The following DCAF17 variants were observed in gnomAD, a reference collection of about 807,000 sequenced individuals.
DCAF17 encodes DDB1 and CUL4 associated factor 17, also known as DDB1- and CUL4-associated factor 17.
In DCAF17, 48 loss-of-function variants were observed where a neutral mutation model predicts 66.0. That is an observed-to-expected ratio of 0.73 (90% CI 0.58 to 0.92). The LOEUF is 0.92. Among genes scored for constraint, DCAF17 ranks in the 40% least tolerant of loss-of-function variants. DCAF17 has a pLI of 0.00. For missense variants in DCAF17, 562 were observed against 622.8 expected (o/e 0.90, Z 1.04); for synonymous variants, 206 against 214.6 (o/e 0.96, Z 0.35).
chr2:171,438,818 C>T (rs1245617889), intron 2 of DCAF17, among the ~76,000 whole-genome samples: 1 of 152,076 alleles, frequency 6.6e-6, no homozygotes, highest in Non-Finnish European at 1.5e-5. Context: ...CTCACTGTAA[C>T]ACCAAACTCC....
intron 2 of DCAF17, among the ~76,000 whole-genome samples, chr2:171,442,921 A>G (rs1694388243): frequency 6.6e-6 from 1 of 152,158 alleles, no homozygotes; most frequent in Admixed American, 6.5e-5. Flanking sequence ...TCACATCTCA[A>G]CTAATCAGAG....
chr2:171,463,233 A>AAC (rs1695696977), intron 8 of DCAF17, among the ~76,000 whole-genome samples: 1 of 151,930 alleles, frequency 6.6e-6, no homozygotes, highest in Non-Finnish European at 1.5e-5. Flanking sequence ...TTAAAAAAAA[A>AAC]AAAAAAACAG....
rs1397703432 is a variant in DCAF17 at position 171,447,310 on chromosome 2, A to C, written c.322-1371A>C. 3 of 246,246 alleles carry C rather than the reference A, an allele frequency of 1.2e-5. No homozygotes were observed. In the East Asian group the frequency reaches 4.8e-4, roughly 40 times the overall value. 15.3% of individuals were successfully genotyped at this position (246,246 alleles called of 1,614,324 possible). On this transcript the variant is annotated intron_variant, in intron 3 of 13. Coordinates refer to ENST00000375255, the MANE Select transcript of DCAF17 (RefSeq NM_025000.4). ...ACTATGTCTTCATTCTTTTCTATTC[A>C]CTTTTTGGCCTAAGCAGATACTAGA...
Position 171,481,647 on chromosome 2 carries a change from T to G in DCAF17, c.*533T>G. ...TCACAGTTTTTAAAAATCTTATATATGTATTTATATGTGTTTCGTATTTGT... is the reference window on the plus strand; with the variant it reads ...TCACAGTTTTTAAAAATCTTATATAGGTATTTATATGTGTTTCGTATTTGT... On this transcript the variant is annotated 3_prime_UTR_variant, in exon 14 of 14. Transcript: ENST00000375255. The G allele has an allele frequency of 2.2e-6, 1 of 453,162 alleles. No individual in the cohort carries two copies. The highest frequency in any genetic ancestry group is 4.4e-6 in the Non-Finnish European group (1 of 226,570). The allele number at this position is 453,162 out of a possible 1,614,324, so 28.1% of individuals were successfully genotyped here. A position where few individuals can be genotyped will look rare whatever the true frequency, so the allele number is the denominator to read the frequency against.
In DCAF17 at chr2:171,473,956, G is replaced by C; in HGVS notation, c.1072G>C (p.Val358Leu). The C allele has an allele frequency of 6.2e-7, 1 of 1,613,598 alleles. No individual in the cohort carries two copies. Among genetic ancestry groups the C allele is most frequent in the Non-Finnish European group, 8.5e-7 (1 of 1,179,678 alleles). ...TGATGCTTCTGGTAGAATAATACAT[G>C]TTGGTCCAAATCAAGTCAAGTGAGT... The part of the protein sequence containing the change: ...HPDASGRIIH[V>L]GPNQVKVLKL... The change falls in exon 10 of 14, where the codon GTT becomes CTT. Residue 358 changes from valine to leucine, a missense_variant. Transcript: ENST00000375255.
intron 8 of DCAF17, 76 bp downstream of exon 8, chr2:171,458,553 C>A: frequency 3.5e-6 from 4 of 1,133,662 alleles, no homozygotes; most frequent in Admixed American, 1.9e-5. Flanking sequence ...TTATAGTCAT[C>A]CAAATGTTTT....
At chr2:171,442,485 A>G (rs2105734454) in intron 2 of DCAF17, among the ~76,000 whole-genome samples, 1 of 149,520 alleles carries the variant, frequency 6.7e-6, no homozygotes, top group East Asian at 2.0e-4. Flanking sequence ...AATCGCTTGA[A>G]CCTGGGAAGC....
chr2:171,435,111 C>T lies in DCAF17; in HGVS notation c.155C>T (p.Thr52Ile), dbSNP rs1426147930. 3 of 1,612,088 alleles carry T rather than the reference C, an allele frequency of 1.9e-6. No homozygotes were observed. Among genetic ancestry groups the T allele is most frequent in the Non-Finnish European group, 2.5e-6 (3 of 1,178,324 alleles). Reference sequence around the variant, plus strand: ...AGTACTAAATTTAAGAATGTCTGGACAACTCATTCCAGGTCACCTATAGCC... The same window carrying T: ...AGTACTAAATTTAAGAATGTCTGGATAACTCATTCCAGGTCACCTATAGCC... ...QESTKFKNVW[T>I]THSRSPIAYE... is the part of the protein sequence containing the mutation. The change falls in exon 2 of 14, where the codon ACA becomes ATA. Residue 52 changes from threonine to isoleucine, a missense_variant. Thr to Ile is a moderately conservative substitution (Grantham distance 89). Coordinates refer to ENST00000375255, the MANE Select transcript of DCAF17 (RefSeq NM_025000.4).
At chr2:171,466,497 G>A (rs559254880) in intron 8 of DCAF17, among the ~76,000 whole-genome samples, 2 of 151,616 alleles carry the variant, frequency 1.3e-5, no homozygotes, top group East Asian at 1.9e-4. Flanking sequence ...TTGCTTTCTC[G>A]AAACAACAGA....
Position 171,484,058 on chromosome 2 carries a change from A to G in DCAF17, c.*2944A>G, listed in dbSNP as rs1261574297. 2.2e-6 allele frequency: 1 copy of G among 454,044 alleles called. No individual in the cohort carries two copies. The highest frequency in any genetic ancestry group is 4.4e-6 in the Non-Finnish European group (1 of 226,784). 28.1% of individuals were successfully genotyped at this position (454,044 alleles called of 1,614,324 possible). A position where few individuals can be genotyped will look rare whatever the true frequency, so the allele number is the denominator to read the frequency against. ...AATTTGGGTAAGATACAAGTCACAC[A>G]TAAATTGACAGAAAATGTAGTTCTT... is the stretch of plus-strand genomic sequence containing the variant. On this transcript the variant is annotated 3_prime_UTR_variant, in exon 14 of 14. Coordinates refer to ENST00000375255, the MANE Select transcript of DCAF17 (RefSeq NM_025000.4).
intron 10 of DCAF17, among the ~76,000 whole-genome samples, chr2:171,475,935 A>G (rs1309962650): frequency 6.6e-6 from 1 of 152,234 alleles, no homozygotes; most frequent in Non-Finnish European, 1.5e-5. Context: ...CCTTACTTTT[A>G]ATGTTTGTTA....
intron 10 of DCAF17, chr2:171,474,360 G>C: frequency 4.1e-6 from 1 of 242,042 alleles, no homozygotes; most frequent in Non-Finnish European, 8.2e-6. Context: ...TATTTTGATT[G>C]GTTTCAGGGC....
chr2:171,468,967 C>G lies in DCAF17; in HGVS notation c.918C>G (p.Val306=). 6.2e-7 allele frequency: 1 copy of G among 1,614,112 alleles called. No individual in the cohort carries two copies. The highest frequency in any genetic ancestry group is 2.2e-5 in the East Asian group (1 of 44,872). The change falls in exon 9 of 14, where the codon GTC becomes GTG. Residue 306 remains valine, a synonymous_variant. Coordinates refer to ENST00000375255, the MANE Select transcript of DCAF17 (RefSeq NM_025000.4). ...QIGGHPWHYI[V]TPNKKKQKGV... ...GAGGCCATCCTTGGCACTACATCGT[C>G]ACACCTAATAAGAAGAAACAGAAAG...
chr2:171,477,087 A>C, intron 11 of DCAF17, 137 bp downstream of exon 11: 1 of 677,626 alleles, frequency 1.5e-6, no homozygotes. Context: ...TTTTGTCTAC[A>C]TGGGTAGCCA....
In DCAF17 at chr2:171,448,792, T is replaced by C; in HGVS notation, c.433T>C (p.Tyr145His). Residue 145 changes from tyrosine to histidine, a missense_variant, in exon 4 of 14, where the codon TAT (tyrosine) becomes CAT (histidine). Coordinates refer to ENST00000375255, the MANE Select transcript of DCAF17 (RefSeq NM_025000.4). ...ATTGKILEKI[Y>H]LAPYCKFRYL... ...TACGGGAAAAATCCTTGAGAAAATA[T>C]ATCTTGCACCTTATTGCAAATTCAG... 1 of 1,612,984 alleles carries C rather than the reference T, an allele frequency of 6.2e-7. No homozygotes were observed. The highest frequency in any genetic ancestry group is 8.5e-7 in the Non-Finnish European group (1 of 1,179,292).
At chr2:171,443,830 G>T (rs559653501) in intron 3 of DCAF17, among the ~76,000 whole-genome samples, 1 of 151,392 alleles carries the variant, frequency 6.6e-6, no homozygotes, top group Non-Finnish European at 1.5e-5. Context: ...AAATTAGATA[G>T]ATTTTTTTTA....
At chr2:171,445,795 A>G (rs1694586183) in intron 3 of DCAF17, among the ~76,000 whole-genome samples, 1 of 151,896 alleles carries the variant, frequency 6.6e-6, no homozygotes, top group Non-Finnish European at 1.5e-5. Context: ...TGATCCTTCC[A>G]CCTTGGCCTC....
rs1272488496 is a variant in DCAF17 at position 171,457,963 on chromosome 2, C to T, written c.628-8C>T. ...TTCTCAGGTGATATCTGTCTTTCCC[C>T]CCGCCAGATTTTTGGGAACGTTACA... On this transcript the variant is annotated splice_polypyrimidine_tract_variant and splice_region_variant and intron_variant, in intron 6 of 13. Transcript: ENST00000375255. The T allele has an allele frequency of 1.9e-6, 3 of 1,609,380 alleles. No individual in the cohort carries two copies.
chr2:171,440,023 A>G (rs1054907207), intron 2 of DCAF17, among the ~76,000 whole-genome samples: 2 of 152,156 alleles, frequency 1.3e-5, no homozygotes, highest in Admixed American at 6.5e-5. Flanking sequence ...TTTCACAGGT[A>G]TGATAATAGT....
Sources: gnomAD v4.1 joint callset for allele counts (sites outside exome capture counted in the v4.1 genomes callset) on GRCh38, gnomAD v4.1.1 for gene constraint, MANE v1.5 for transcripts, NCBI Gene and HGNC (gene_info 2026-07-23, HGNC 2026-07-21) for gene names.